Variants in ASAH2 observed in about 807,000 individuals in gnomAD.
ASAH2 encodes the protein N-acylsphingosine amidohydrolase 2.
In ASAH2, 58 loss-of-function variants were observed where a neutral mutation model predicts 82.9. The observed-to-expected ratio is 0.70, with a 90% confidence interval of 0.57 to 0.87. The LOEUF is 0.87. ASAH2 is among the 40% of genes least tolerant of loss of function. The pLI, the probability that ASAH2 is intolerant of heterozygous loss-of-function variation, is 0.00. For missense variants in ASAH2, 779 were observed against 834.0 expected (o/e 0.93, Z 0.81); for synonymous variants, 276 against 289.7 (o/e 0.95, Z 0.48).
At chr10:50,206,544 A>ACG (rs1845303635) in intron 12 of ASAH2, among the ~76,000 whole-genome samples, 1 of 149,272 alleles carries the variant, frequency 6.7e-6, no homozygotes, top group Non-Finnish European at 1.5e-5. Flanking sequence ...ATCTACACAC[A>ACG]CACACACACA....
Position 50,229,365 on chromosome 10 carries a change from C to A in ASAH2, c.893+3819G>T, listed in dbSNP as rs1002080328. Among the ~76,000 whole-genome samples the A allele has an allele frequency of 7.9e-5, 12 of 152,098 alleles. No homozygotes were observed. In the East Asian group the frequency reaches 2.1e-3, roughly 27 times the overall value. On this transcript the variant is annotated intron_variant, in intron 7 of 20. Transcript: ENST00000682911. The stretch of plus-strand genomic sequence containing the variant: ...GCTTTCATGTAAGGGGAAAAAGGCA[C>A]AAAGATAGCAATATTTTTCTGACAT...
intron 4 of ASAH2, among the ~76,000 whole-genome samples, chr10:50,241,174 C>A (rs866347031): frequency 4.1e-4 from 62 of 152,274 alleles, no homozygotes; most frequent in African/African-American, 9.6e-4. Flanking sequence ...GATGACTCAA[C>A]CTTTGCCATC....
intron 14 of ASAH2, 25 bp downstream of exon 14, chr10:50,204,836 C>T (rs1845252160): frequency 6.6e-7 from 1 of 1,512,152 alleles, no homozygotes; most frequent in Non-Finnish European, 9.1e-7. Flanking sequence ...ACATTTTTAA[C>T]TAAGTAATAA....
At chr10:50,220,627 AG>A (rs1845717846) in intron 7 of ASAH2, among the ~76,000 whole-genome samples, 1 of 152,092 alleles carries the variant, frequency 6.6e-6, no homozygotes, top group African/African-American at 2.4e-5. Context: ...TGGAGAGTGA[AG>A]GGTGGAAGGA....
intron 12 of ASAH2, among the ~76,000 whole-genome samples, chr10:50,209,562 T>C (rs1230942885): frequency 2.0e-5 from 3 of 151,898 alleles, no homozygotes; most frequent in Admixed American, 6.6e-5. Flanking sequence ...TTGACCAGGG[T>C]GGTCTCAATT....
chr10:50,247,280 C>T (rs1347240915), intron 2 of ASAH2, among the ~76,000 whole-genome samples: 2 of 151,826 alleles, frequency 1.3e-5, no homozygotes, highest in Non-Finnish European at 2.9e-5. Context: ...GCCTCAGCCT[C>T]CCGAGTAGCT....
rs1312231351 is a variant in ASAH2 at position 50,233,262 on chromosome 10, C to T, written c.816-1G>A. 1 of 1,600,824 alleles carries T rather than the reference C, an allele frequency of 6.2e-7. No individual in the cohort carries two copies. The highest frequency in any genetic ancestry group is 8.6e-7 in the Non-Finnish European group (1 of 1,168,220). Reference sequence around the variant, plus strand: ...TTCCTTGTCTGTATTTGAAGAATACCTAGTCAGTAAAACAGAAAAGCACAG... The same window carrying T: ...TTCCTTGTCTGTATTTGAAGAATACTTAGTCAGTAAAACAGAAAAGCACAG... On this transcript the variant is annotated splice_acceptor_variant, in intron 6 of 20. Coordinates refer to ENST00000682911, the MANE Select transcript of ASAH2 (RefSeq NM_019893.4). LOFTEE classifies it high-confidence loss of function.
chr10:50,212,929 A>G, intron 10 of ASAH2, 43 bp downstream of exon 10: 1 of 1,553,870 alleles, frequency 6.4e-7, no homozygotes, highest in Non-Finnish European at 8.9e-7. Context: ...ATTTTAAAGG[A>G]CAATTTTAAA....
intron 7 of ASAH2, among the ~76,000 whole-genome samples, chr10:50,221,698 G>GGATAGATAGATAGATA (rs199560545): frequency 6.8e-6 from 1 of 147,230 alleles, no homozygotes; most frequent in Non-Finnish European, 1.5e-5. Flanking sequence ...ATAGATGGAT[G>GGATAGATAGATAGATA]GATAGATAGA....
At chr10:50,224,557 T>C (rs1820378806) in intron 7 of ASAH2, among the ~76,000 whole-genome samples, 1 of 152,160 alleles carries the variant, frequency 6.6e-6, no homozygotes, top group Non-Finnish European at 1.5e-5. Context: ...AAAATGCCCA[T>C]GTGCTCTTCT....
At chr10:50,202,143 G>A (rs878877465) in intron 16 of ASAH2, among the ~76,000 whole-genome samples, 16,431 of 152,102 alleles carry the variant, frequency 0.11, 1,325 homozygotes, top group Admixed American at 0.27. Flanking sequence ...TAGCAGGGCA[G>A]AGTCTACTCT....
chr10:50,248,060 C>T (rs185983072), intron 2 of ASAH2, among the ~76,000 whole-genome samples: 6 of 152,268 alleles, frequency 3.9e-5, no homozygotes, highest in African/African-American at 1.2e-4. Context: ...GTTTGAGACC[C>T]CTTTCTCTAA....
intron 15 of ASAH2, 140 bp downstream of exon 15, chr10:50,203,500 A>G (rs1845214475): frequency 2.4e-6 from 2 of 817,178 alleles, no homozygotes; most frequent in Admixed American, 1.8e-5. Context: ...TCTGGTTCTT[A>G]TACTACCAAT....
chr10:50,228,907 G>A (rs76018970), intron 7 of ASAH2, among the ~76,000 whole-genome samples: 2,350 of 152,122 alleles, frequency 0.015, 44 homozygotes, highest in African/African-American at 0.047. Flanking sequence ...AAAACTTGGC[G>A]GAAGAAAAGA....
rs1349144326 is a variant in ASAH2 at position 50,185,059 on chromosome 10, C to A, written c.*2256G>T. 6 of 151,142 alleles carry A rather than the reference C, an allele frequency of 4.0e-5. No homozygotes were observed. The allele number at this position is 151,142 out of a possible 1,614,324, so 9.4% of individuals were successfully genotyped here. The stretch of plus-strand genomic sequence containing the variant: ...ATTTTAACATGAGAAACAAAATCTC[C>A]AAAATTGTTCTCCTACCTACCCAAT... On this transcript the variant is annotated 3_prime_UTR_variant, in exon 21 of 21. Coordinates refer to ENST00000682911, the MANE Select transcript of ASAH2 (RefSeq NM_019893.4).
At chr10:50,235,003 G>A (rs1018371098) in intron 5 of ASAH2, among the ~76,000 whole-genome samples, 3 of 152,088 alleles carry the variant, frequency 2.0e-5, no homozygotes, top group Admixed American at 6.6e-5. Flanking sequence ...TACAGTGAGA[G>A]ATACATTTTT....
At chr10:50,229,606 A>G (rs964680593) in intron 7 of ASAH2, among the ~76,000 whole-genome samples, 1 of 152,112 alleles carries the variant, frequency 6.6e-6, no homozygotes, top group Non-Finnish European at 1.5e-5. Flanking sequence ...TAGAAAAACA[A>G]ATTCTTTGTC....
rs756847788 is a variant in ASAH2 at position 50,214,715 on chromosome 10, A to G, written c.1140+28T>C. ...TAAAATGTATTTGAGATGCAAAAAC[A>G]AAGATTTCATGTGTCATAATTACCT... is the stretch of plus-strand genomic sequence containing the variant. On this transcript the variant is annotated intron_variant, in intron 9 of 20. Coordinates refer to ENST00000682911, the MANE Select transcript of ASAH2 (RefSeq NM_019893.4). 4.9e-3 allele frequency: 7,895 copies of G among 1,613,088 alleles called. 369 individuals carry two copies. In the African/African-American group the frequency reaches 0.094, roughly 19 times the overall value.
chr10:50,227,111 A>G (rs1225610392), intron 7 of ASAH2, among the ~76,000 whole-genome samples: 2 of 152,186 alleles, frequency 1.3e-5, no homozygotes, highest in African/African-American at 4.8e-5. Flanking sequence ...CACTAAATTC[A>G]CTTAAAAAAC....
Sources: allele counts gnomAD v4.1 joint callset (sites outside exome capture counted in the v4.1 genomes callset), GRCh38; gene constraint gnomAD v4.1.1; transcripts MANE v1.5; gene names NCBI Gene and HGNC (gene_info 2026-07-23, HGNC 2026-07-21).